The following PPARG variants were observed in gnomAD, a reference collection of about 807,000 sequenced individuals.
PPARG encodes peroxisome proliferator activated receptor gamma, also known as peroxisome proliferator-activated receptor gamma.
PPARG carries 17 observed loss-of-function variants against 39.2 expected under a neutral mutation model. The ratio of observed to expected loss-of-function variants is 0.43; its 90% confidence interval spans 0.30 to 0.65. The LOEUF is 0.65. Among genes scored for constraint, PPARG ranks in the 30% least tolerant of loss-of-function variants. The probability of loss-of-function intolerance (pLI) is 0.13; values close to 1 mark genes in which losing one functional copy is unlikely to be tolerated. For synonymous variants in PPARG, 223 were observed against 215.7 expected (o/e 1.03, Z -0.30); for missense variants, 406 against 585.9 (o/e 0.69, Z 3.17).
intron 1 of PPARG, among the ~76,000 whole-genome samples, chr3:12,310,354 A>C (rs2047192542): frequency 6.6e-6 from 1 of 152,186 alleles, no homozygotes; most frequent in African/African-American, 2.4e-5. Flanking sequence ...GAAAGCTGGT[A>C]CAACTTAATC....
At chr3:12,379,396 A>G (rs547156055) in intron 2 of PPARG, among the ~76,000 whole-genome samples, 1 of 152,340 alleles carries the variant, frequency 6.6e-6, no homozygotes, top group East Asian at 1.9e-4. Context: ...AACAGACTCA[A>G]TTGATGACCT....
At chr3:12,293,195 A>G (rs1019938181) in intron 1 of PPARG, among the ~76,000 whole-genome samples, 4 of 152,324 alleles carry the variant, frequency 2.6e-5, no homozygotes, top group African/African-American at 7.2e-5. Flanking sequence ...AATTGAATCC[A>G]TTAAGTGGAG....
chr3:12,322,305 G>T (rs1375130032), intron 2 of PPARG, among the ~76,000 whole-genome samples: 1 of 152,106 alleles, frequency 6.6e-6, no homozygotes, highest in South Asian at 2.1e-4. Flanking sequence ...AAATTTTTTG[G>T]CTCCTACTTG....
At chr3:12,348,288 T>C (rs950799527) in intron 2 of PPARG, among the ~76,000 whole-genome samples, 2 of 152,244 alleles carry the variant, frequency 1.3e-5, no homozygotes, top group African/African-American at 4.8e-5. Flanking sequence ...CTTTTTGTTA[T>C]TGAATCATTC....
chr3:12,344,974 C>T (rs2048285785), intron 2 of PPARG: 1 of 152,228 alleles, frequency 6.6e-6, no homozygotes, highest in African/African-American at 2.4e-5. Flanking sequence ...TCTGGTTCCA[C>T]ATTGAAACCC....
rs1258826665 is a variant in PPARG, at chr3:12,416,899, T to C, written c.925T>C (p.Leu309=). 2 of 1,614,130 alleles carry C rather than the reference T, an allele frequency of 1.2e-6. No individual in the cohort carries two copies. Among genetic ancestry groups the C allele is most frequent in the Admixed American group, 3.3e-5 (2 of 60,012 alleles). The change falls in exon 7 of 8, where the codon TTG becomes CTG. Residue 309 remains leucine (L), a synonymous_variant. Transcript: ENST00000651735. ...CATTCCTGGTTTTGTAAATCTTGAC[T>C]TGAACGACCAAGTAACTCTCCTCAA... The part of the protein sequence containing the change: ...KSIPGFVNLD[L]NDQVTLLKYG...
chr3:12,414,476 T>G (rs1273294122), intron 6 of PPARG, among the ~76,000 whole-genome samples: 1 of 152,090 alleles, frequency 6.6e-6, no homozygotes, highest in Non-Finnish European at 1.5e-5. Flanking sequence ...TAATTTTTTT[T>G]TAGAAAAAGA....
intron 1 of PPARG, 33 bp downstream of exon 1, chr3:12,289,167 G>C (rs1166348093): frequency 6.6e-6 from 1 of 152,154 alleles, no homozygotes; most frequent in Non-Finnish European, 1.5e-5. Context: ...CATTTTGTTG[G>C]AATGTGTTGG....
intron 2 of PPARG, among the ~76,000 whole-genome samples, chr3:12,319,233 G>T (rs1266164294): frequency 6.6e-6 from 1 of 152,208 alleles, no homozygotes; most frequent in Non-Finnish European, 1.5e-5. Context: ...TATAATTTGT[G>T]ATTGCTATTT....
At chr3:12,296,681 C>T (rs759553743) in intron 1 of PPARG, among the ~76,000 whole-genome samples, 1 of 152,112 alleles carries the variant, frequency 6.6e-6, no homozygotes, top group African/African-American at 2.4e-5. Context: ...AGAGGCTAGC[C>T]GGCTCACTAA....
At chr3:12,349,155 A>G (rs760225848) in intron 2 of PPARG, among the ~76,000 whole-genome samples, 8 of 152,204 alleles carry the variant, frequency 5.3e-5, no homozygotes, top group Non-Finnish European at 8.8e-5. Flanking sequence ...ATGTGAACTC[A>G]TTAAGTATAG....
At chr3:12,299,820 C>G (rs1477714303) in intron 1 of PPARG, among the ~76,000 whole-genome samples, 1 of 152,070 alleles carries the variant, frequency 6.6e-6, no homozygotes, top group Non-Finnish European at 1.5e-5. Context: ...ATAAAGTTGG[C>G]TACTTTCTCT....
At chr3:12,357,144 C>T (rs575321322) in intron 2 of PPARG, among the ~76,000 whole-genome samples, 1 of 152,110 alleles carries the variant, frequency 6.6e-6, no homozygotes, top group African/African-American at 2.4e-5. Flanking sequence ...AACCGGTCAC[C>T]CACAGAGATG....
intron 6 of PPARG, among the ~76,000 whole-genome samples, chr3:12,409,126 A>G (rs1479807082): frequency 2.0e-5 from 3 of 152,190 alleles, no homozygotes; most frequent in Non-Finnish European, 4.4e-5. Context: ...CCTAATAGTT[A>G]CTCAGACTAT....
At chr3:12,311,744 G>A (rs569897194) in intron 1 of PPARG, among the ~76,000 whole-genome samples, 1 of 152,234 alleles carries the variant, frequency 6.6e-6, no homozygotes, top group African/African-American at 2.4e-5. Context: ...TTTCATAAGA[G>A]ATAAGGTTGT....
At chr3:12,370,688 A>G (rs2049180197) in intron 2 of PPARG, among the ~76,000 whole-genome samples, 1 of 152,218 alleles carries the variant, frequency 6.6e-6, no homozygotes, top group African/African-American at 2.4e-5. Context: ...CTGTTAGTTT[A>G]AGAAGTCTCA....
At chr3:12,413,524 T>C (rs549152133) in intron 6 of PPARG, among the ~76,000 whole-genome samples, 1 of 152,136 alleles carries the variant, frequency 6.6e-6, no homozygotes, top group Non-Finnish European at 1.5e-5. Flanking sequence ...AAAGCTGGAA[T>C]GGGGCCGGGC....
chr3:12,363,226 AT>A (rs1372349365), intron 2 of PPARG, among the ~76,000 whole-genome samples: 4 of 152,182 alleles, frequency 2.6e-5, no homozygotes, highest in Non-Finnish European at 4.4e-5. Flanking sequence ...AGCCTAGAAT[AT>A]TTTTTATAGT....
At chr3:12,354,452 A>G (rs1415809576) in intron 2 of PPARG, among the ~76,000 whole-genome samples, 2 of 143,722 alleles carry the variant, frequency 1.4e-5, no homozygotes, top group Non-Finnish European at 3.1e-5. Flanking sequence ...GGCTCCGTTT[A>G]AAAAAAGAAA....
Sources: gnomAD v4.1 joint callset for allele counts (sites outside exome capture counted in the v4.1 genomes callset) on GRCh38, gnomAD v4.1.1 for gene constraint, MANE v1.5 for transcripts, NCBI Gene and HGNC (gene_info 2026-07-23, HGNC 2026-07-21) for gene names.